FCHSD2: variants seen among roughly 807,000 people sequenced by gnomAD.
FCHSD2 encodes the protein F-BAR and double SH3 domains protein 2.
FCHSD2 carries 38 observed loss-of-function variants against 108.1 expected under a neutral mutation model. That is an observed-to-expected ratio of 0.35 (90% CI 0.27 to 0.46). FCHSD2 has a LOEUF of 0.46. FCHSD2 is among the 20% of genes least tolerant of loss of function. The pLI, the probability that FCHSD2 is intolerant of heterozygous loss-of-function variation, is 1.00. For missense variants in FCHSD2, 751 were observed against 897.8 expected (o/e 0.84, Z 2.09); for synonymous variants, 279 against 314.7 (o/e 0.89, Z 1.20).
At chr11:72,944,385 T>C (rs1308718184) in intron 8 of FCHSD2, among the ~76,000 whole-genome samples, 3 of 152,162 alleles carry the variant, frequency 2.0e-5, no homozygotes, top group East Asian at 1.9e-4. Flanking sequence ...AATTAGGTAT[T>C]GATGGGACGT....
At chr11:73,096,171 A>G (rs957895342) in intron 2 of FCHSD2, among the ~76,000 whole-genome samples, 3 of 152,068 alleles carry the variant, frequency 2.0e-5, no homozygotes, top group Non-Finnish European at 4.4e-5. Flanking sequence ...GACACCCATG[A>G]GCAAAAAAAT....
At position 73,141,916 on chromosome 11, in the gene FCHSD2, T is replaced by G; in HGVS notation, c.-39A>C. Reference sequence around the variant, plus strand: ...CATCAATCCTCCCCGACGGCAGCGTTAGCAAGGACCAGGAGGAGGAGGAGG... The same window carrying G: ...CATCAATCCTCCCCGACGGCAGCGTGAGCAAGGACCAGGAGGAGGAGGAGG... On this transcript the variant is annotated 5_prime_UTR_variant, in exon 1 of 20. Coordinates refer to ENST00000409418, the MANE Select transcript of FCHSD2 (RefSeq NM_014824.3). 6.5e-7 allele frequency: 1 copy of G among 1,539,086 alleles called. No individual in the cohort carries two copies. The highest frequency in any genetic ancestry group is 8.7e-7 in the Non-Finnish European group (1 of 1,144,048).
chr11:72,992,781 G>A (rs1258989050), intron 5 of FCHSD2, among the ~76,000 whole-genome samples: 2 of 152,138 alleles, frequency 1.3e-5, no homozygotes, highest in Non-Finnish European at 2.9e-5. Context: ...AGACTTAAAT[G>A]TTAGACCTAA....
At chr11:73,117,944 A>G (rs901307625) in intron 2 of FCHSD2, among the ~76,000 whole-genome samples, 1 of 152,234 alleles carries the variant, frequency 6.6e-6, no homozygotes, top group African/African-American at 2.4e-5. Flanking sequence ...ACTACTTAAA[A>G]TCATATGCAC....
chr11:72,849,286 G>A (rs924489158), intron 14 of FCHSD2, among the ~76,000 whole-genome samples: 1 of 152,168 alleles, frequency 6.6e-6, no homozygotes, highest in African/African-American at 2.4e-5. Context: ...CATCGTCCTC[G>A]GGGCTGAAGA....
chr11:73,014,389 A>G (rs539228777), intron 4 of FCHSD2, among the ~76,000 whole-genome samples: 11 of 151,936 alleles, frequency 7.2e-5, no homozygotes, highest in Non-Finnish European at 1.3e-4. Flanking sequence ...TCGGCCTCCC[A>G]AAGTGCTAGG....
At chr11:73,095,422 C>T (rs1860051029) in intron 2 of FCHSD2, among the ~76,000 whole-genome samples, 1 of 152,122 alleles carries the variant, frequency 6.6e-6, no homozygotes, top group Non-Finnish European at 1.5e-5. Flanking sequence ...ACGAAAAATA[C>T]ATCTTAACTA....
At chr11:72,889,328 T>C (rs1466871728) in intron 11 of FCHSD2, among the ~76,000 whole-genome samples, 1 of 152,174 alleles carries the variant, frequency 6.6e-6, no homozygotes, top group East Asian at 1.9e-4. Context: ...ATATGTCTCT[T>C]CCCCTGCCCA....
At chr11:72,851,217 G>T (rs76953154) in intron 13 of FCHSD2, among the ~76,000 whole-genome samples, 2,677 of 151,044 alleles carry the variant, frequency 0.018, 46 homozygotes, top group African/African-American at 0.044. Flanking sequence ...AAAACAACCT[G>T]TTCACTGAAA....
chr11:73,027,027 G>A (rs1483273173), intron 3 of FCHSD2, among the ~76,000 whole-genome samples: 1 of 152,108 alleles, frequency 6.6e-6, no homozygotes, highest in African/African-American at 2.4e-5. Context: ...TGGAAATGGA[G>A]TAATACAGAA....
chr11:73,118,534 T>C (rs921399558), intron 2 of FCHSD2, among the ~76,000 whole-genome samples: 30 of 152,230 alleles, frequency 2.0e-4, no homozygotes, highest in African/African-American at 7.2e-4. Flanking sequence ...TCTGAATTCT[T>C]TCACTAAGAA....
At chr11:72,957,359 G>C (rs1856734098) in intron 8 of FCHSD2, among the ~76,000 whole-genome samples, 1 of 151,050 alleles carries the variant, frequency 6.6e-6, no homozygotes, top group African/African-American at 2.4e-5. Context: ...TAAAGGACAT[G>C]AACTCATCAT....
chr11:72,938,619 C>T (rs1856351032), intron 8 of FCHSD2, among the ~76,000 whole-genome samples: 1 of 152,086 alleles, frequency 6.6e-6, no homozygotes, highest in Admixed American at 6.6e-5. Context: ...GAAGCTTAGG[C>T]ATCTTCTAGC....
intron 2 of FCHSD2, among the ~76,000 whole-genome samples, chr11:73,132,706 C>A (rs1460172732): frequency 2.0e-5 from 3 of 151,842 alleles, no homozygotes; most frequent in Non-Finnish European, 4.4e-5. Flanking sequence ...CAACTGTAGT[C>A]CTAGCTACTC....
At chr11:72,926,029 A>C (rs1005259050) in intron 8 of FCHSD2, among the ~76,000 whole-genome samples, 1 of 152,146 alleles carries the variant, frequency 6.6e-6, no homozygotes, top group African/African-American at 2.4e-5. Context: ...GCTTGGGGAT[A>C]TCTGTTCCCG....
intron 8 of FCHSD2, among the ~76,000 whole-genome samples, chr11:72,952,738 GAATA>G (rs1466200313): frequency 2.0e-5 from 3 of 152,146 alleles, no homozygotes; most frequent in Non-Finnish European, 4.4e-5. Context: ...AAAGATAAAT[GAATA>G]CTTACAGAAC....
chr11:73,108,951 C>T (rs548652610), intron 2 of FCHSD2, among the ~76,000 whole-genome samples: 10 of 152,318 alleles, frequency 6.6e-5, no homozygotes, highest in Admixed American at 3.9e-4. Flanking sequence ...CTTCTGCATA[C>T]GGATATTCAG....
intron 3 of FCHSD2, among the ~76,000 whole-genome samples, chr11:73,048,639 G>C (rs1858821871): frequency 6.6e-6 from 1 of 152,138 alleles, no homozygotes; most frequent in Non-Finnish European, 1.5e-5. Flanking sequence ...AGTGCCGGAA[G>C]TACGAAAAAG....
intron 3 of FCHSD2, among the ~76,000 whole-genome samples, chr11:73,053,160 T>G (rs1386729395): frequency 6.6e-6 from 1 of 151,360 alleles, no homozygotes; most frequent in Admixed American, 6.6e-5. Context: ...TTTTTTTTTT[T>G]TTTTTTGGTC....
Sources: gnomAD v4.1 joint callset for allele counts (sites outside exome capture counted in the v4.1 genomes callset) on GRCh38, gnomAD v4.1.1 for gene constraint, MANE v1.5 for transcripts, NCBI Gene and HGNC (gene_info 2026-07-23, HGNC 2026-07-21) for gene names.